CDKL4: variants seen among roughly 807,000 people sequenced by gnomAD.
CDKL4 encodes the protein cyclin-dependent kinase-like 4.
A neutral mutation model predicts 42.0 loss-of-function variants in CDKL4; 44 were observed. The observed-to-expected ratio is 1.05, with a 90% CI of 0.82 to 1.35. CDKL4 has a LOEUF of 1.35. Among genes scored for constraint, CDKL4 ranks in the 40% most tolerant of loss-of-function variants. The probability of loss-of-function intolerance (pLI) is 0.00; values close to 1 mark genes in which losing one functional copy is unlikely to be tolerated. For synonymous variants in CDKL4, 120 were observed against 121.6 expected (o/e 0.99, Z 0.09); for missense variants, 393 against 369.9 (o/e 1.06, Z -0.51).
chr2:39,179,603 G>A (rs541328724), intron 8 of CDKL4, among the ~76,000 whole-genome samples: 1 of 152,338 alleles, frequency 6.6e-6, no homozygotes, highest in African/African-American at 2.4e-5. Flanking sequence ...ACTGCTGAAA[G>A]CAAATCGTTT....
At chr2:39,218,828 T>C (rs577915346) in intron 3 of CDKL4, among the ~76,000 whole-genome samples, 1 of 152,306 alleles carries the variant, frequency 6.6e-6, no homozygotes, top group South Asian at 2.1e-4. Flanking sequence ...CCTGGTTCTC[T>C]AGCTTGCAGA....
At chr2:39,203,304 A>G (rs1676967438) in intron 5 of CDKL4, among the ~76,000 whole-genome samples, 1 of 152,228 alleles carries the variant, frequency 6.6e-6, no homozygotes, top group African/African-American at 2.4e-5. Context: ...GCCCATGGAG[A>G]AAAATCCCCA....
chr2:39,234,984 G>C (rs1371279306), intron 1 of CDKL4, among the ~76,000 whole-genome samples: 4 of 151,776 alleles, frequency 2.6e-5, no homozygotes, highest in Non-Finnish European at 4.4e-5. Context: ...GACTTCCCAA[G>C]CTCAAGCAAT....
At chr2:39,214,036 C>T (rs963796332) in intron 3 of CDKL4, among the ~76,000 whole-genome samples, 2 of 152,040 alleles carry the variant, frequency 1.3e-5, no homozygotes, top group East Asian at 1.9e-4. Context: ...GATTCTCCTG[C>T]CTCAGCTTCC....
At chr2:39,193,112 A>G (rs961762166) in intron 5 of CDKL4, among the ~76,000 whole-genome samples, 6 of 142,244 alleles carry the variant, frequency 4.2e-5, no homozygotes, top group Admixed American at 1.5e-4. Flanking sequence ...TAGGCTACAG[A>G]GCGAGACTCC....
chr2:39,190,970 G>A (rs1205767198), intron 5 of CDKL4, among the ~76,000 whole-genome samples: 2 of 152,164 alleles, frequency 1.3e-5, no homozygotes, highest in East Asian at 3.8e-4. Flanking sequence ...TTAGATTAGG[G>A]TGGACTCTAA....
intron 6 of CDKL4, 146 bp downstream of exon 6, chr2:39,190,159 A>G: frequency 1.7e-6 from 1 of 574,554 alleles, no homozygotes; most frequent in Non-Finnish European, 2.8e-6. Context: ...GCTACAACCC[A>G]GAACTGAGAA....
intron 5 of CDKL4, among the ~76,000 whole-genome samples, chr2:39,199,693 C>T (rs996851279): frequency 6.6e-6 from 1 of 152,038 alleles, no homozygotes; most frequent in Non-Finnish European, 1.5e-5. Flanking sequence ...CATCTGCAAT[C>T]AATAAATGCG....
chr2:39,168,467 G>A, the CDKL4 span, among the ~76,000 whole-genome samples: 1 of 152,192 alleles, frequency 6.6e-6, no homozygotes, highest in South Asian at 2.1e-4. Context: ...CAGGCGCGGT[G>A]GCTTATGCCT....
At chr2:39,169,756 C>A in the CDKL4 span, among the ~76,000 whole-genome samples, 2 of 152,114 alleles carry the variant, frequency 1.3e-5, no homozygotes, top group African/African-American at 4.8e-5. Context: ...AACTTCCAGA[C>A]CAAATGATTT....
intron 8 of CDKL4, among the ~76,000 whole-genome samples, chr2:39,182,859 T>C (rs1054995825): frequency 2.2e-4 from 34 of 152,238 alleles, no homozygotes; most frequent in Admixed American, 2.0e-3. Flanking sequence ...GATTGGCTAC[T>C]GCATGCCACC....
intron 4 of CDKL4, among the ~76,000 whole-genome samples, chr2:39,207,277 C>T (rs1677258169): frequency 6.6e-6 from 1 of 151,926 alleles, no homozygotes. Context: ...CCCAGCTACA[C>T]AAGACGCTGA....
intron 3 of CDKL4, among the ~76,000 whole-genome samples, chr2:39,216,378 T>A (rs1303799028): frequency 1.3e-5 from 2 of 151,800 alleles, no homozygotes; most frequent in Non-Finnish European, 2.9e-5. Flanking sequence ...GGCTGAAACT[T>A]GAGTGAAGAA....
At chr2:39,227,890 A>C (rs1451179277) in intron 2 of CDKL4, among the ~76,000 whole-genome samples, 6 of 152,230 alleles carry the variant, frequency 3.9e-5, no homozygotes, top group Non-Finnish European at 1.5e-5. Flanking sequence ...AAAGAAAAAC[A>C]GGTGGTAAGG....
At chr2:39,223,627 A>AAAG (rs1678514275) in intron 3 of CDKL4, among the ~76,000 whole-genome samples, 1 of 144,958 alleles carries the variant, frequency 6.9e-6, no homozygotes, top group African/African-American at 2.7e-5. Flanking sequence ...AAAAAAAAAA[A>AAAG]AGAGAGATGG....
At chr2:39,211,324 G>C (rs182186774) in intron 4 of CDKL4, among the ~76,000 whole-genome samples, 131 of 152,202 alleles carry the variant, frequency 8.6e-4, no homozygotes, top group African/African-American at 3.1e-3. Flanking sequence ...GGAGTTTGAG[G>C]CTCAAGGGTG....
chr2:39,188,061 C>G (rs1217014598), intron 6 of CDKL4, among the ~76,000 whole-genome samples: 1 of 151,896 alleles, frequency 6.6e-6, no homozygotes, highest in Non-Finnish European at 1.5e-5. Context: ...GAGCAAGACT[C>G]CATCTCAAAA....
At chr2:39,190,269 T>C in intron 6 of CDKL4, 36 bp downstream of exon 6, 1 of 1,473,294 alleles carries the variant, frequency 6.8e-7, no homozygotes, top group Non-Finnish European at 9.5e-7. Context: ...GCTATAACAA[T>C]TCAGCAACTC....
rs199611997 is a variant in CDKL4 at position 39,184,593 on chromosome 2, T to C, written c.790A>G (p.Lys264Glu). The change falls in exon 8 of 10, where the codon AAG becomes GAG. Residue 264 changes from lysine (K) to glutamate (E), a missense_variant and splice_region_variant. Coordinates refer to ENST00000451199, the Ensembl canonical transcript of CDKL4. Reference sequence around the variant, plus strand: ...AGTTATAATTGATTCTTAAGTACCTTCATGAAGTTCAGAGCCACAGGATGA... The same window carrying C: ...AGTTATAATTGATTCTTAAGTACCTCCATGAAGTTCAGAGCCACAGGATGA... The C allele has an allele frequency of 2.5e-6, 4 of 1,608,982 alleles. No individual in the cohort carries two copies. The East Asian group carries it at 8.9e-5, about 36-fold the overall frequency.
Sources: gnomAD v4.1 joint callset for allele counts (sites outside exome capture counted in the v4.1 genomes callset) on GRCh38, gnomAD v4.1.1 for gene constraint, MANE v1.5 for transcripts, NCBI Gene and HGNC (gene_info 2026-07-23, HGNC 2026-07-21) for gene names.